Variants in EPHA7 observed in about 807,000 individuals in gnomAD.
EPHA7 encodes the protein ephrin type-A receptor 7.
Under a neutral mutation model 112.6 loss-of-function variants are expected in EPHA7, and 25 were observed. The observed-to-expected ratio is 0.22, with a 90% CI of 0.16 to 0.31. The LOEUF (loss-of-function observed/expected upper bound fraction) is 0.31, where lower values mean the gene tolerates loss of function less well. Among genes scored for constraint, EPHA7 ranks in the 10% least tolerant of loss-of-function variants. EPHA7 has a pLI of 1.00. For synonymous variants in EPHA7, 437 were observed against 406.5 expected (o/e 1.07, Z -0.90); for missense variants, 962 against 1,212.6 (o/e 0.79, Z 3.07).
chr6:93,298,555 C>T (rs1223523451), intron 5 of EPHA7, among the ~76,000 whole-genome samples: 4 of 151,982 alleles, frequency 2.6e-5, no homozygotes, highest in African/African-American at 4.8e-5. Context: ...GTAGAGCATC[C>T]TAATTTTTAA....
chr6:93,252,496 G>A, intron 14 of EPHA7, among the ~76,000 whole-genome samples: 1 of 151,738 alleles, frequency 6.6e-6, no homozygotes, highest in East Asian at 1.9e-4. Flanking sequence ...GTTCACAGGG[G>A]TTCATAGATC....
At chr6:93,252,433 GAA>G (rs3839560) in intron 14 of EPHA7, among the ~76,000 whole-genome samples, 2 of 150,896 alleles carry the variant, frequency 1.3e-5, no homozygotes, top group Admixed American at 6.6e-5. Context: ...AACCTTCCCA[GAA>G]AAAAAAATAA....
At chr6:93,303,717 A>G (rs1773109735) in intron 5 of EPHA7, among the ~76,000 whole-genome samples, 1 of 152,140 alleles carries the variant, frequency 6.6e-6, no homozygotes, top group South Asian at 2.1e-4. Context: ...ATGTAATTTC[A>G]TCGGTAGATA....
chr6:93,404,167 G>A (rs1400123006), intron 3 of EPHA7, among the ~76,000 whole-genome samples: 1 of 151,966 alleles, frequency 6.6e-6, no homozygotes, highest in Admixed American at 6.6e-5. Context: ...GAAGCTTTCT[G>A]AATAATGATA....
At chr6:93,419,211 A>C in intron 1 of EPHA7, 34 bp downstream of exon 1, 1 of 1,567,480 alleles carries the variant, frequency 6.4e-7, no homozygotes, top group Non-Finnish European at 8.8e-7. Context: ...TAAATAAATA[A>C]GTCAGAACAA....
intron 5 of EPHA7, among the ~76,000 whole-genome samples, chr6:93,323,208 A>T (rs1257898100): frequency 6.6e-6 from 1 of 151,624 alleles, no homozygotes; most frequent in Non-Finnish European, 1.5e-5. Context: ...TGTATTAATC[A>T]ATTAAATGTA....
intron 5 of EPHA7, among the ~76,000 whole-genome samples, chr6:93,353,203 A>G (rs1427733288): frequency 6.6e-6 from 1 of 152,146 alleles, no homozygotes; most frequent in Non-Finnish European, 1.5e-5. Flanking sequence ...ATTTTAAAAA[A>G]TATCTCCGTT....
intron 5 of EPHA7, among the ~76,000 whole-genome samples, chr6:93,328,846 A>G (rs1774451865): frequency 6.6e-6 from 1 of 151,444 alleles, no homozygotes; most frequent in East Asian, 1.9e-4. Flanking sequence ...ACATGGGCAA[A>G]ATAATACTTT....
chr6:93,383,460 C>T (rs1373117061), intron 3 of EPHA7, among the ~76,000 whole-genome samples: 2 of 151,962 alleles, frequency 1.3e-5, no homozygotes, highest in African/African-American at 4.8e-5. Flanking sequence ...CGCCCAAGGT[C>T]ACAGCTGGTA....
At position 93,264,681 on chromosome 6, in the gene EPHA7, T is replaced by C. The variant is rs756964921; in HGVS notation, c.1655A>G (p.Gln552Arg). The C allele has an allele frequency of 3.1e-5, 49 of 1,604,712 alleles. No homozygotes were observed. Among genetic ancestry groups the C allele is most frequent in the Non-Finnish European group, 4.1e-5 (48 of 1,174,456 alleles). ...MFEATAVSSE[Q>R]NPVIIIAVVA... The stretch of plus-strand genomic sequence containing the variant: ...CACAGCAATGATAATAACAGGATTC[T>C]GTTCACTGGAGACAGCTGTAGCTGT... Residue 552 changes from glutamine to arginine, a missense_variant, in exon 8 of 17, where the codon CAG becomes CGG. Transcript: ENST00000369303.
chr6:93,358,581 T>C (rs1192388391), intron 3 of EPHA7, among the ~76,000 whole-genome samples, 170 bp from the exon 4 acceptor site: 1 of 152,200 alleles, frequency 6.6e-6, no homozygotes, highest in Non-Finnish European at 1.5e-5. Context: ...GTTATGATAG[T>C]TCATCTTAAA....
chr6:93,248,215 A>C lies in EPHA7; in HGVS notation c.2533-1230T>G, dbSNP rs375566523. 2.0e-5 allele frequency among the ~76,000 whole-genome samples: 3 copies of C among 152,238 alleles called. 1 individual carries two copies. Among genetic ancestry groups the C allele is most frequent in the Admixed American group, 6.5e-5 (1 of 15,290 alleles). On this transcript the variant is annotated intron_variant, in intron 14 of 16. Transcript: ENST00000369303. ...TTGATGGTCTTAATATTTTTAGGGA[A>C]ACACATCCTTAAGATGCATGCTGAC...
rs752294486 is a variant in EPHA7 at position 93,419,272 on chromosome 6, T to C, written c.70A>G (p.Thr24Ala). 6.2e-7 allele frequency: 1 copy of C among 1,613,920 alleles called. No homozygotes were observed. Among genetic ancestry groups the C allele is most frequent in the South Asian group, 1.1e-5 (1 of 91,072 alleles). ...CYIWLLRFAH[T>A]GEAQAAKEVL... Reference sequence around the variant, plus strand: ...TCCTTCGCAGCCTGCGCCTCCCCTGTGTGTGCAAAGCGGAGCAGCCAGATG... The same window carrying C: ...TCCTTCGCAGCCTGCGCCTCCCCTGCGTGTGCAAAGCGGAGCAGCCAGATG... Residue 24 changes from threonine (T) to alanine (A), a missense_variant, in exon 1 of 17, where the codon ACA (threonine) becomes GCA (alanine). Transcript: ENST00000369303.
chr6:93,354,288 A>G (rs984633136), intron 5 of EPHA7, among the ~76,000 whole-genome samples: 1 of 152,058 alleles, frequency 6.6e-6, no homozygotes, highest in Non-Finnish European at 1.5e-5. Flanking sequence ...ACACAAAAGA[A>G]CAATAATCAC....
chr6:93,261,622 T>C (rs1408986657), intron 9 of EPHA7, among the ~76,000 whole-genome samples: 1 of 151,542 alleles, frequency 6.6e-6, no homozygotes, highest in East Asian at 1.9e-4. Context: ...ATACTGACAT[T>C]ATTTCTGAAT....
chr6:93,354,925 A>G (rs955451055), intron 5 of EPHA7, among the ~76,000 whole-genome samples: 2 of 152,172 alleles, frequency 1.3e-5, no homozygotes, highest in Non-Finnish European at 2.9e-5. Flanking sequence ...TGATATTAGC[A>G]GGAATAAAAG....
intron 7 of EPHA7, 103 bp downstream of exon 7, chr6:93,269,374 T>G (rs1013666522): frequency 1.2e-6 from 1 of 844,388 alleles, no homozygotes; most frequent in South Asian, 2.3e-5. Flanking sequence ...TATTTGTAAA[T>G]GTAAAAATTA....
At chr6:93,360,257 G>A (rs937853812) in intron 3 of EPHA7, among the ~76,000 whole-genome samples, 1 of 148,540 alleles carries the variant, frequency 6.7e-6, no homozygotes, top group African/African-American at 2.5e-5. Context: ...TAGATTTCTC[G>A]GGATGGAAAT....
chr6:93,277,918 C>T (rs1483013722), intron 5 of EPHA7, among the ~76,000 whole-genome samples: 1 of 151,864 alleles, frequency 6.6e-6, no homozygotes, highest in African/African-American at 2.4e-5. Context: ...TGGCCCCAGT[C>T]AGGTATACAT....
Sources: gnomAD v4.1 joint callset for allele counts (sites outside exome capture counted in the v4.1 genomes callset) on GRCh38, gnomAD v4.1.1 for gene constraint, MANE v1.5 for transcripts, NCBI Gene and HGNC (gene_info 2026-07-23, HGNC 2026-07-21) for gene names.